Variants in EVL observed in about 807,000 individuals in gnomAD.
The protein encoded by EVL is ena/VASP-like protein.
EVL carries 21 observed loss-of-function variants against 59.6 expected under a neutral mutation model. The observed-to-expected ratio is 0.35, with a 90% CI of 0.25 to 0.51. The LOEUF is 0.51. Ranked by LOEUF, EVL falls within the 20% of genes least tolerant of loss-of-function variation. The pLI, the probability that EVL is intolerant of heterozygous loss-of-function variation, is 0.97. For missense variants in EVL, 462 were observed against 546.6 expected, an observed-to-expected ratio of 0.85 and a Z score of 1.54; for synonymous variants, 198 against 203.5, an observed-to-expected ratio of 0.97 and a Z score of 0.23.
chr14:100,100,250 C>A (rs1886123377), intron 3 of EVL, among the ~76,000 whole-genome samples: 1 of 152,000 alleles, frequency 6.6e-6, no homozygotes, highest in African/African-American at 2.4e-5. Flanking sequence ...CGGGAGACAT[C>A]AGCTAGTTTG....
At chr14:100,018,046 T>C (rs1237113922) in intron 1 of EVL, among the ~76,000 whole-genome samples, 1 of 152,262 alleles carries the variant, frequency 6.6e-6, no homozygotes, top group Non-Finnish European at 1.5e-5. Flanking sequence ...GCAAACCTTA[T>C]GTGAATAATT....
chr14:99,977,004 C>A (rs2060774982), intron 1 of EVL: 1 of 151,402 alleles, frequency 6.6e-6, no homozygotes, highest in Non-Finnish European at 1.5e-5. Flanking sequence ...TCTGATTAGT[C>A]CACAGTTACT....
chr14:100,020,507 A>T (rs1283014507), intron 1 of EVL, among the ~76,000 whole-genome samples: 1 of 151,992 alleles, frequency 6.6e-6, no homozygotes, highest in East Asian at 1.9e-4. Flanking sequence ...CCGACTTCTG[A>T]AAGCTTCTCA....
chr14:100,113,530 G>C (rs1444244852), intron 3 of EVL, among the ~76,000 whole-genome samples: 1 of 152,160 alleles, frequency 6.6e-6, no homozygotes, highest in African/African-American at 2.4e-5. Flanking sequence ...AGGGTCAAAG[G>C]CCCACTAGAA....
intron 1 of EVL, among the ~76,000 whole-genome samples, chr14:100,056,454 C>G (rs2061735118): frequency 6.6e-6 from 1 of 152,074 alleles, no homozygotes; most frequent in African/African-American, 2.4e-5. Context: ...TAAGTATCTT[C>G]CCTTGTGTCT....
chr14:100,109,376 C>T lies in EVL; in HGVS notation c.358+11718C>T. The T allele has an allele frequency of 2.8e-6, 1 of 359,164 alleles. No individual in the cohort carries two copies. Among genetic ancestry groups the T allele is most frequent in the Non-Finnish European group, 5.5e-6 (1 of 181,286 alleles). The allele number at this position is 359,164 out of a possible 1,614,324, so 22.2% of individuals were successfully genotyped here. A position where few individuals can be genotyped will look rare whatever the true frequency, so the allele number is the denominator to read the frequency against. ...CAGTGCCCCAGAAGACCTCAGGCAC[C>T]CCTTCCCAGTCCTCGCACACTGTTG... is the stretch of plus-strand genomic sequence containing the variant. On this transcript the variant is annotated intron_variant, in intron 3 of 13. Transcript: ENST00000392920. The surrounding 1 kb of genome is among the most constrained non-coding windows in gnomAD (Gnocchi z 4.3).
chr14:100,122,049 A>G (rs905895051), intron 3 of EVL, among the ~76,000 whole-genome samples: 1 of 152,240 alleles, frequency 6.6e-6, no homozygotes, highest in African/African-American at 2.4e-5. Context: ...AGCCTGTGCC[A>G]AGCTCACAGC....
At chr14:100,083,281 T>G (rs1595149612) in intron 1 of EVL, among the ~76,000 whole-genome samples, 1 of 152,266 alleles carries the variant, frequency 6.6e-6, no homozygotes, top group East Asian at 1.9e-4. Context: ...GTGCCAGAAT[T>G]CAGCCCATCA....
intron 8 of EVL, among the ~76,000 whole-genome samples, chr14:100,133,160 G>A (rs1029091459): frequency 2.6e-5 from 4 of 152,172 alleles, no homozygotes; most frequent in Admixed American, 6.5e-5. Context: ...GCCCAGAGAG[G>A]TTTTTATTTT....
At position 100,108,024 on chromosome 14, in the gene EVL, G is replaced by A. The variant is rs1249459174; in HGVS notation, c.358+10366G>A. 1 of 152,192 alleles carries A rather than the reference G, an allele frequency of 6.6e-6. No individual in the cohort carries two copies. The highest frequency in any genetic ancestry group is 1.5e-5 in the Non-Finnish European group (1 of 68,040). 9.4% of individuals were successfully genotyped at this position (152,192 alleles called of 1,614,324 possible). On this transcript the variant is annotated intron_variant, in intron 3 of 13. Coordinates refer to ENST00000392920, the MANE Select transcript of EVL (RefSeq NM_016337.3). The surrounding 1 kb of genome is among the most constrained non-coding windows in gnomAD (Gnocchi z 4.1). ...ATAATGTATGTCCTTTTCCTACTTG[G>A]TTTGCGTGTAATAACATCATTGGTA...
chr14:100,109,594 C>T lies in EVL; in HGVS notation c.358+11936C>T, dbSNP rs1886817354. The T allele has an allele frequency of 2.0e-6, 1 of 493,864 alleles. No individual in the cohort carries two copies. The highest frequency in any genetic ancestry group is 4.2e-6 in the Non-Finnish European group (1 of 237,126). The allele number at this position is 493,864 out of a possible 1,614,324, so 30.6% of individuals were successfully genotyped here. A position where few individuals can be genotyped will look rare whatever the true frequency, so the allele number is the denominator to read the frequency against. ...CATAGCCTGGCACTTCCTGCCATTG[C>T]ATCCTTCTCTGCAGACTAAGATGGA... On this transcript the variant is annotated intron_variant, in intron 3 of 13. Transcript: ENST00000392920. This position sits in a 1 kb window ranked among gnomAD's most constrained non-coding sequence, Gnocchi z 4.3.
intron 1 of EVL, among the ~76,000 whole-genome samples, chr14:100,070,076 AAAAG>A (rs962484141): frequency 2.9e-4 from 44 of 151,350 alleles, no homozygotes; most frequent in East Asian, 2.3e-3. Flanking sequence ...AAAAAAAAAA[AAAAG>A]AAAGAAAGAA....
chr14:99,988,997 A>G (rs956647223), intron 1 of EVL, among the ~76,000 whole-genome samples: 1 of 152,202 alleles, frequency 6.6e-6, no homozygotes, highest in African/African-American at 2.4e-5. Flanking sequence ...GTATCGCAAG[A>G]TTGGATTATG....
rs59061342 is a variant in EVL, at chr14:100,007,085, A to G, written c.5+35028A>G. Among the ~76,000 whole-genome samples the G allele has an allele frequency of 0.011, 1,747 of 152,144 alleles. 82 individuals carry two copies. The East Asian group carries it at 0.16, about 14-fold the overall frequency. On this transcript the variant is annotated intron_variant, in intron 1 of 13. Coordinates refer to the EVL transcript ENST00000402714. ...TTAATTTAGAAAGTTTATTTTGCCA[A>G]GGTTGAAGACGTGCGCCTGTCACAC...
chr14:100,058,951 G>A (rs1245891529), intron 1 of EVL, among the ~76,000 whole-genome samples: 1 of 152,212 alleles, frequency 6.6e-6, no homozygotes, highest in Non-Finnish European at 1.5e-5. Context: ...CAGTAGTAAC[G>A]TGTGAAGGAC....
Position 100,071,046 on chromosome 14 carries a change from T to C in EVL, c.11+5535T>C, listed in dbSNP as rs567585835. On this transcript the variant is annotated intron_variant, in intron 1 of 13. Transcript: ENST00000392920. The stretch of plus-strand genomic sequence containing the variant: ...CCCCCAACAGTTGGTTGGAGTGTTT[T>C]TCCAGATTGCACCAGACTTCACAGA... Among the ~76,000 whole-genome samples the C allele has an allele frequency of 2.0e-5, 3 of 152,142 alleles. No individual in the cohort carries two copies. In the South Asian group the frequency reaches 6.2e-4, roughly 32 times the overall value.
chr14:100,033,076 G>A (rs1005669653), intron 1 of EVL, among the ~76,000 whole-genome samples: 1 of 152,154 alleles, frequency 6.6e-6, no homozygotes, highest in South Asian at 2.1e-4. Context: ...TGATGGAAGT[G>A]CTGAATCCAG....
chr14:100,055,333 A>G (rs186153609), intron 1 of EVL, among the ~76,000 whole-genome samples: 58 of 152,048 alleles, frequency 3.8e-4, no homozygotes, highest in African/African-American at 1.3e-3. Context: ...AGTTCTGTCT[A>G]TTGTACCATG....
rs546413466 is a variant in EVL, at chr14:100,084,795, C to A, written c.120C>A (p.Ile40=). 2.5e-5 allele frequency: 41 copies of A among 1,614,216 alleles called. No individual in the cohort carries two copies. The South Asian group carries it at 4.2e-4, about 16-fold the overall frequency. ...AGCAGGGATTCAGCCGGATCAACAT[C>A]TACCACAACACTGCCAGCAACACCT... The part of the protein sequence containing the change: ...PGQQGFSRIN[I]YHNTASNTFR... The change falls in exon 2 of 14, where the codon ATC becomes ATA. Residue 40 remains isoleucine (I), a synonymous_variant. Coordinates refer to ENST00000392920, the MANE Select transcript of EVL (RefSeq NM_016337.3).
Sources: gnomAD v4.1 joint callset for allele counts (sites outside exome capture counted in the v4.1 genomes callset) on GRCh38, gnomAD v4.1.1 for gene constraint, Gnocchi (gnomAD v3.1) non-coding constraint, MANE v1.5 for transcripts, NCBI Gene and HGNC (gene_info 2026-07-23, HGNC 2026-07-21) for gene names.